RBFOX1: variants seen among roughly 807,000 people sequenced by gnomAD.
RBFOX1 encodes RNA binding fox-1 homolog 1.
A neutral mutation model predicts 57.7 loss-of-function variants in RBFOX1; 8 were observed. That is an observed-to-expected ratio of 0.14 (90% CI 0.08 to 0.25). RBFOX1 has a LOEUF of 0.25. RBFOX1 is among the 10% of genes least tolerant of loss of function. The pLI, the probability that RBFOX1 is intolerant of heterozygous loss-of-function variation, is 1.00. For missense variants in RBFOX1, 611 were observed against 548.5 expected, an observed-to-expected ratio of 1.11 and a Z score of -1.14; for synonymous variants, 326 against 222.4, an observed-to-expected ratio of 1.47 and a Z score of -4.15.
intron 4 of RBFOX1, among the ~76,000 whole-genome samples, chr16:5,949,746 A>G (rs2059482155): frequency 6.6e-6 from 1 of 152,138 alleles, no homozygotes; most frequent in Non-Finnish European, 1.5e-5. Flanking sequence ...AGCAGCATCA[A>G]CTAGGAGCTT....
chr16:6,738,864 A>G (rs1055682377), intron 3 of RBFOX1, among the ~76,000 whole-genome samples: 5 of 152,178 alleles, frequency 3.3e-5, no homozygotes, highest in Non-Finnish European at 1.5e-5. Flanking sequence ...TTGGAAGCTA[A>G]ACAGTAAACT....
At chr16:6,674,412 C>T (rs1425152302) in intron 3 of RBFOX1, among the ~76,000 whole-genome samples, 2 of 152,010 alleles carry the variant, frequency 1.3e-5, no homozygotes, top group Non-Finnish European at 2.9e-5. Flanking sequence ...ACCTCCGCCT[C>T]CTGGGTTAAA....
intron 3 of RBFOX1, among the ~76,000 whole-genome samples, chr16:6,918,406 C>T (rs992929839): frequency 6.6e-6 from 1 of 152,084 alleles, no homozygotes; most frequent in East Asian, 1.9e-4. Context: ...CTGGGGCCCA[C>T]TAATATTTTT....
At chr16:7,686,429 TTAGCTTTG>T (rs761867607) in intron 14 of RBFOX1, among the ~76,000 whole-genome samples, 8 of 152,134 alleles carry the variant, frequency 5.3e-5, no homozygotes, top group Middle Eastern at 3.4e-3. Flanking sequence ...CACACATGCA[TTAGCTTTG>T]TAGAAGAAAT....
At chr16:6,131,971 G>C (rs1041869146) in intron 1 of RBFOX1, among the ~76,000 whole-genome samples, 1 of 152,186 alleles carries the variant, frequency 6.6e-6, no homozygotes, top group South Asian at 2.1e-4. Flanking sequence ...AAACTGATCT[G>C]CCTTCGTGAT....
chr16:6,823,593 C>T (rs998488715), intron 3 of RBFOX1, among the ~76,000 whole-genome samples: 2 of 152,132 alleles, frequency 1.3e-5, no homozygotes, highest in African/African-American at 4.8e-5. Context: ...ATATTATCTT[C>T]TTCCTTCCTT....
intron 4 of RBFOX1, among the ~76,000 whole-genome samples, chr16:6,005,189 T>C (rs7185087): frequency 0.81 from 123,904 of 152,202 alleles, 51,048 homozygotes; most frequent in African/African-American, 0.94. Context: ...CGGAAGTTTA[T>C]ATTTCGTTCA....
At chr16:5,407,620 C>T (rs2066902266) in intron 1 of RBFOX1, among the ~76,000 whole-genome samples, 1 of 152,228 alleles carries the variant, frequency 6.6e-6, no homozygotes, top group South Asian at 2.1e-4. Context: ...ATGGTCTTGG[C>T]TTACTGCAAC....
intron 4 of RBFOX1, among the ~76,000 whole-genome samples, chr16:7,211,324 G>A (rs959348587): frequency 1.3e-4 from 19 of 146,124 alleles, no homozygotes; most frequent in Admixed American, 7.7e-4. Flanking sequence ...CCTGGGAGGC[G>A]GAGCTTGCAG....
At chr16:6,876,602 C>G (rs1185737291) in intron 3 of RBFOX1, among the ~76,000 whole-genome samples, 1 of 152,002 alleles carries the variant, frequency 6.6e-6, no homozygotes, top group African/African-American at 2.4e-5. Context: ...TATGATGCAC[C>G]ATACTAGAGT....
Position 6,711,347 on chromosome 16 carries a change from A to T in RBFOX1, c.-16+56697A>T, listed in dbSNP as rs2063679277. 2.6e-5 allele frequency among the ~76,000 whole-genome samples: 4 copies of T among 152,148 alleles called. No homozygotes were observed. The South Asian group carries it at 8.3e-4, about 31-fold the overall frequency. On this transcript the variant is annotated intron_variant, in intron 3 of 15. Transcript: ENST00000550418. ...TTGAAATTTTTCACAAGGTCCCCAC[A>T]TTCTGGTCCCTACCAACTTTGTCAT...
chr16:5,836,647 C>T (rs979903870), intron 3 of RBFOX1, among the ~76,000 whole-genome samples: 1 of 152,140 alleles, frequency 6.6e-6, no homozygotes. Flanking sequence ...GCACTGTGGA[C>T]GTTTGGGGGC....
At position 6,877,049 on chromosome 16, in the gene RBFOX1, A is replaced by G. The variant is rs78743360; in HGVS notation, c.-15-175008A>G. On this transcript the variant is annotated intron_variant, in intron 3 of 15. Transcript: ENST00000550418. ...TGTTTCTTATTAAATATTCATATGT[A>G]TATTTTGTGTTTGCTTCATAACTGG... Among the ~76,000 whole-genome samples, 30 of 152,330 alleles carry G rather than the reference A, an allele frequency of 2.0e-4. No homozygotes were observed. The East Asian group carries it at 5.2e-3, about 26-fold the overall frequency.
At chr16:7,691,919 T>C (rs1419866023) in intron 14 of RBFOX1, among the ~76,000 whole-genome samples, 1 of 152,142 alleles carries the variant, frequency 6.6e-6, no homozygotes, top group Non-Finnish European at 1.5e-5. Flanking sequence ...ATTCTGTAAA[T>C]AGAGGTTATT....
At chr16:6,241,238 C>T (rs1018339771) in intron 1 of RBFOX1, among the ~76,000 whole-genome samples, 1 of 152,114 alleles carries the variant, frequency 6.6e-6, no homozygotes, top group African/African-American at 2.4e-5. Flanking sequence ...TGCAATGAAG[C>T]CATGCCTATT....
intron 1 of RBFOX1, among the ~76,000 whole-genome samples, chr16:6,277,471 A>C (rs1441625385): frequency 1.3e-5 from 2 of 151,186 alleles, no homozygotes; most frequent in East Asian, 3.9e-4. Context: ...AAAAAAAAAA[A>C]AAAAAAACCT....
intron 1 of RBFOX1, among the ~76,000 whole-genome samples, chr16:6,295,323 A>T (rs527518122): frequency 6.6e-6 from 1 of 152,208 alleles, no homozygotes; most frequent in Non-Finnish European, 1.5e-5. Context: ...GCGAGGTTTC[A>T]TCATGTTGGC....
chr16:6,672,668 C>T (rs1455950166), intron 3 of RBFOX1, among the ~76,000 whole-genome samples: 1 of 152,100 alleles, frequency 6.6e-6, no homozygotes, highest in Non-Finnish European at 1.5e-5. Flanking sequence ...CATAGGAAAC[C>T]TCCACCCACC....
rs750908804 is a variant in RBFOX1 at position 5,257,447 on chromosome 16, C to A, written c.219+17342C>A. 5.3e-5 allele frequency among the ~76,000 whole-genome samples: 8 copies of A among 152,280 alleles called. 1 individual carries two copies. The South Asian group carries it at 1.7e-3, about 32-fold the overall frequency. On this transcript the variant is annotated intron_variant, in intron 1 of 2. Coordinates refer to the RBFOX1 transcript ENST00000585867. Reference sequence around the variant, plus strand: ...CGTGCAGGAGGAATCCCAGCATCCTCCTGTGCACAAGGCTGGTTTCTTCCC... The same window carrying A: ...CGTGCAGGAGGAATCCCAGCATCCTACTGTGCACAAGGCTGGTTTCTTCCC...
Sources: gnomAD v4.1 joint callset for allele counts (sites outside exome capture counted in the v4.1 genomes callset) on GRCh38, gnomAD v4.1.1 for gene constraint, MANE v1.5 for transcripts, NCBI Gene and HGNC (gene_info 2026-07-23, HGNC 2026-07-21) for gene names.